The following KIAA1217 variants were observed in gnomAD, a reference collection of about 807,000 sequenced individuals.
KIAA1217 encodes the protein KIAA1217.
In KIAA1217, 88 loss-of-function variants were observed where a neutral mutation model predicts 163.9. The observed-to-expected ratio is 0.54, with a 90% confidence interval of 0.45 to 0.64. The LOEUF (loss-of-function observed/expected upper bound fraction) is 0.64. Among genes scored for constraint, KIAA1217 ranks in the 30% least tolerant of loss-of-function variants. KIAA1217 has a pLI of 0.00. For synonymous variants in KIAA1217, 903 were observed against 923.1 expected, an observed-to-expected ratio of 0.98 and a Z score of 0.39; for missense variants, 2,372 against 2,475.0, an observed-to-expected ratio of 0.96 and a Z score of 0.88.
intron 1 of KIAA1217, among the ~76,000 whole-genome samples, chr10:23,831,257 G>A (rs1312550321): frequency 2.0e-5 from 3 of 151,064 alleles, no homozygotes; most frequent in Non-Finnish European, 4.4e-5. Context: ...ATAGATAAAT[G>A]GGACTACATG....
chr10:23,758,337 T>C (rs1834025968), intron 1 of KIAA1217, among the ~76,000 whole-genome samples: 1 of 151,478 alleles, frequency 6.6e-6, no homozygotes, highest in African/African-American at 2.4e-5. Context: ...GTGAATAGTC[T>C]TGGCACTCTT....
intron 1 of KIAA1217, among the ~76,000 whole-genome samples, chr10:23,772,704 A>G (rs150592126): frequency 1.3e-5 from 2 of 152,330 alleles, no homozygotes; most frequent in East Asian, 3.9e-4. Flanking sequence ...TGAGACAATT[A>G]AAAGGAAAAT....
chr10:23,895,198 A>G (rs1386788392), intron 1 of KIAA1217, among the ~76,000 whole-genome samples: 3 of 152,188 alleles, frequency 2.0e-5, no homozygotes, highest in Admixed American at 2.0e-4. Context: ...ATCAGAGTGA[A>G]CAGGCAACCC....
In KIAA1217 at chr10:24,058,411, A is replaced by C. The variant is rs569705803; in HGVS notation, c.-171+51037A>C. Among the ~76,000 whole-genome samples the C allele has an allele frequency of 3.3e-5, 5 of 152,254 alleles. No homozygotes were observed. In the East Asian group the frequency reaches 9.6e-4, roughly 29 times the overall value. ...GATTCCATGTGAATTATAGAGTTGT[A>C]TCTTCTACTTCTGTAAAAAATTTCA... On this transcript the variant is annotated intron_variant, in intron 2 of 18. Transcript: ENST00000376462.
At chr10:24,477,950 C>T (rs552675083) in intron 6 of KIAA1217, among the ~76,000 whole-genome samples, 18 of 152,230 alleles carry the variant, frequency 1.2e-4, no homozygotes, top group South Asian at 4.1e-4. Context: ...AGCACAGGGT[C>T]GTATAAAGAA....
At chr10:24,040,866 G>A (rs542938899) in intron 2 of KIAA1217, among the ~76,000 whole-genome samples, 1 of 152,208 alleles carries the variant, frequency 6.6e-6, no homozygotes, top group African/African-American at 2.4e-5. Context: ...CCATGTGCCC[G>A]ACAAGGTGCA....
intron 5 of KIAA1217, among the ~76,000 whole-genome samples, chr10:24,470,863 C>T (rs1035824713): frequency 3.9e-5 from 6 of 152,250 alleles, no homozygotes; most frequent in South Asian, 4.2e-4. Context: ...GATTCTACAC[C>T]GCTGGATCCT....
chr10:24,257,367 C>T (rs905732724), intron 2 of KIAA1217, among the ~76,000 whole-genome samples: 4 of 152,170 alleles, frequency 2.6e-5, no homozygotes, highest in African/African-American at 9.7e-5. Flanking sequence ...TGGAACCATA[C>T]TCCAAATTCC....
chr10:23,954,098 C>T (rs1402437622), intron 1 of KIAA1217, among the ~76,000 whole-genome samples: 1 of 152,112 alleles, frequency 6.6e-6, no homozygotes, highest in African/African-American at 2.4e-5. Context: ...TGTTATTTTC[C>T]ATATCCACTG....
At chr10:23,975,242 T>C (rs1845490204) in intron 1 of KIAA1217, among the ~76,000 whole-genome samples, 1 of 152,214 alleles carries the variant, frequency 6.6e-6, no homozygotes, top group Non-Finnish European at 1.5e-5. Context: ...GTTTGCTAGC[T>C]GATTTTACTG....
intron 2 of KIAA1217, among the ~76,000 whole-genome samples, chr10:24,051,255 AT>A (rs909800459): frequency 1.3e-5 from 2 of 152,190 alleles, no homozygotes; most frequent in African/African-American, 4.8e-5. Flanking sequence ...ACATTATTTC[AT>A]GCCTTTTATG....
At chr10:23,900,305 C>T (rs773821920) in intron 1 of KIAA1217, among the ~76,000 whole-genome samples, 9 of 152,044 alleles carry the variant, frequency 5.9e-5, no homozygotes, top group Non-Finnish European at 8.8e-5. Flanking sequence ...CACACCCAGC[C>T]CCTTCCTTTC....
At chr10:24,321,771 A>G (rs1394632422) in intron 2 of KIAA1217, among the ~76,000 whole-genome samples, 1 of 151,928 alleles carries the variant, frequency 6.6e-6, no homozygotes, top group Non-Finnish European at 1.5e-5. Context: ...GAGAGGGGAG[A>G]TGGGGATTTA....
At chr10:24,528,322 G>GTT (rs374557035) in intron 14 of KIAA1217, among the ~76,000 whole-genome samples, 249 of 134,404 alleles carry the variant, frequency 1.9e-3, no homozygotes, top group South Asian at 3.2e-3. Flanking sequence ...TTTTTTTTTT[G>GTT]TTTTTTTTTT....
At chr10:24,092,928 T>TGTGTGTTGTGTGTGTGTGTG (rs548350322) in intron 2 of KIAA1217, among the ~76,000 whole-genome samples, 1 of 140,952 alleles carries the variant, frequency 7.1e-6, no homozygotes, top group African/African-American at 2.7e-5. Flanking sequence ...TGTGTGTGTG[T>TGTGTGTTGTGTGTGTGTGTG]TGTGTGTGTG....
chr10:24,316,059 G>A (rs893847861), intron 2 of KIAA1217, among the ~76,000 whole-genome samples: 1 of 152,030 alleles, frequency 6.6e-6, no homozygotes, highest in Non-Finnish European at 1.5e-5. Flanking sequence ...GAGATGCATT[G>A]TGGAGCCCAG....
chr10:23,738,611 G>A (rs1210258337), intron 1 of KIAA1217, among the ~76,000 whole-genome samples: 3 of 144,382 alleles, frequency 2.1e-5, no homozygotes, highest in Non-Finnish European at 4.5e-5. Flanking sequence ...GATATCTTTA[G>A]AAATGTTTTT....
chr10:24,148,624 T>C (rs981288953), intron 2 of KIAA1217, among the ~76,000 whole-genome samples: 29 of 152,304 alleles, frequency 1.9e-4, no homozygotes, highest in Admixed American at 1.8e-3. Context: ...TCTCTCATCA[T>C]GTGATATGCC....
At chr10:24,451,193 C>G (rs948565820) in intron 5 of KIAA1217, among the ~76,000 whole-genome samples, 1 of 152,148 alleles carries the variant, frequency 6.6e-6, no homozygotes, top group Non-Finnish European at 1.5e-5. Context: ...CCGTGTTGCT[C>G]ATAAAAAAAT....
Sources: gnomAD v4.1 joint callset for allele counts (sites outside exome capture counted in the v4.1 genomes callset) on GRCh38, gnomAD v4.1.1 for gene constraint, MANE v1.5 for transcripts, NCBI Gene and HGNC (gene_info 2026-07-23, HGNC 2026-07-21) for gene names.